MYO5C: variants seen among roughly 807,000 people sequenced by gnomAD.
MYO5C encodes the protein myosin VC, also known as unconventional myosin-Vc.
A neutral mutation model predicts 235.7 loss-of-function variants in MYO5C; 194 were observed. The observed-to-expected ratio is 0.82, with a 90% CI of 0.73 to 0.93. The LOEUF (loss-of-function observed/expected upper bound fraction) is 0.93. MYO5C is among the 40% of genes least tolerant of loss of function. MYO5C has a pLI of 0.00. For missense variants in MYO5C, 2,038 were observed against 2,127.2 expected (o/e 0.96, Z 0.82); for synonymous variants, 707 against 754.8 (o/e 0.94, Z 1.04).
rs773471935 is a variant in MYO5C at position 52,205,836 on chromosome 15, T to C, written c.4517A>G (p.Lys1506Arg). The C allele has an allele frequency of 1.3e-6, 2 of 1,570,054 alleles. No homozygotes were observed. The highest frequency in any genetic ancestry group is 2.3e-5 in the South Asian group (2 of 85,126). ...IYHQFIIIME[K>R]NIQPIIVPGM... ...CTTACCTATTATCGGTTGGATATTCTTTTCCATTATGATAATAAATTGATG... is the reference window on the plus strand; with the variant it reads ...CTTACCTATTATCGGTTGGATATTCCTTTCCATTATGATAATAAATTGATG... Residue 1506 changes from lysine to arginine, a missense_variant, in exon 37 of 41, where the codon AAG becomes AGG. Transcript: ENST00000261839.
chr15:52,264,376 A>T (rs1156730704), intron 8 of MYO5C, 80 bp from the exon 9 acceptor site: 2 of 1,104,978 alleles, frequency 1.8e-6, no homozygotes, highest in Non-Finnish European at 2.7e-6. Context: ...TTCATTCAAG[A>T]TATGCAGGTA....
chr15:52,264,597 T>C (rs2036763862), intron 8 of MYO5C, among the ~76,000 whole-genome samples: 1 of 152,218 alleles, frequency 6.6e-6, no homozygotes, highest in South Asian at 2.1e-4. Flanking sequence ...CTTGCCTTGA[T>C]TCTGTGCTTG....
rs1464874282 is a variant in MYO5C, at chr15:52,251,296, TGAATCTGATCAGA to T, written c.1662+81_1662+93del. On this transcript the variant is annotated intron_variant, in intron 13 of 40. Coordinates refer to ENST00000261839, the MANE Select transcript of MYO5C (RefSeq NM_018728.4). ...TCAAAGCTACATGTTAAGTATGACT[TGAATCTGATCAGA>T]AACATTCCTGGCCTGCCTACTCCTT... 2.4e-6 allele frequency: 3 copies of T among 1,250,952 alleles called. No homozygotes were observed. The African/African-American group carries it at 4.6e-5, about 19-fold the overall frequency. 77.5% of individuals were successfully genotyped at this position (1,250,952 alleles called of 1,614,324 possible).
Position 52,261,032 on chromosome 15 carries a change from G to T in MYO5C, c.1143C>A (p.Ser381Arg). Residue 381 changes from serine to arginine, a missense_variant, in exon 10 of 41, where the codon AGC (serine) becomes AGA (arginine). Ser to Arg is a moderately radical substitution (Grantham distance 110, BLOSUM62 -1). Coordinates refer to ENST00000261839, the MANE Select transcript of MYO5C (RefSeq NM_018728.4). ...TCATGGGTTTTACCACCGTCTCAGA[G>T]CTTGTGACGATTTTGCGATTGCACA... ...QWLCNRKIVTSSETVVKPMTR... is the reference protein window; with the variant it reads ...QWLCNRKIVTRSETVVKPMTR... The T allele has an allele frequency of 1.2e-6, 2 of 1,614,214 alleles. No homozygotes were observed. Among genetic ancestry groups the T allele is most frequent in the Non-Finnish European group, 1.7e-6 (2 of 1,180,038 alleles).
chr15:52,275,637 G>C lies in MYO5C; in HGVS notation c.531C>G (p.Tyr177Ter). 1 of 1,614,172 alleles carries C rather than the reference G, an allele frequency of 6.2e-7. No individual in the cohort carries two copies. The highest frequency in any genetic ancestry group is 8.5e-7 in the Non-Finnish European group (1 of 1,180,034). Residue 177 changes from tyrosine to a stop codon, truncating the protein, a stop_gained, in exon 5 of 41, where the codon TAC (tyrosine) becomes TAG (stop). Transcript: ENST00000261839. LOFTEE classifies it high-confidence loss of function. ...KTVSARYAMRYFATVSKSGSN... is the reference protein window; with the variant it reads ...KTVSARYAMR ...TGCCCGATTTGCTGACGGTGGCAAAGTACCTCATGGCATAGCGAGCCGACA... is the reference window on the plus strand; with the variant it reads ...TGCCCGATTTGCTGACGGTGGCAAACTACCTCATGGCATAGCGAGCCGACA...
chr15:52,225,436 T>G lies in MYO5C; in HGVS notation c.3301+3A>C. ...TGGACTAAGAGACTCATATTTTTAT[T>G]ACCTCTCATTTCCCGTTTTTGTGAC... On this transcript the variant is annotated splice_donor_region_variant and intron_variant, in intron 26 of 40. Transcript: ENST00000261839. The G allele has an allele frequency of 6.2e-7, 1 of 1,604,894 alleles. No homozygotes were observed. The highest frequency in any genetic ancestry group is 8.5e-7 in the Non-Finnish European group (1 of 1,171,704).
intron 1 of MYO5C, among the ~76,000 whole-genome samples, chr15:52,288,263 G>A (rs566805369): frequency 1.7e-3 from 257 of 152,330 alleles, no homozygotes; most frequent in Admixed American, 5.9e-3. Context: ...TATTAGTTAA[G>A]CGAATCTGGC....
intron 4 of MYO5C, 27 bp from the exon 5 acceptor site, chr15:52,275,745 T>A: frequency 6.2e-7 from 1 of 1,611,236 alleles, no homozygotes; most frequent in Non-Finnish European, 8.5e-7. Flanking sequence ...TTTTCAAATA[T>A]TAGTTTCTTC....
At chr15:52,229,457 C>T (rs2035903270) in intron 24 of MYO5C, 144 bp from the exon 25 acceptor site, 1 of 704,718 alleles carries the variant, frequency 1.4e-6, no homozygotes, top group Non-Finnish European at 2.3e-6. Flanking sequence ...GACCCCGTCC[C>T]CACTAAAAAT....
chr15:52,227,607 A>G (rs919687694), intron 25 of MYO5C, among the ~76,000 whole-genome samples: 3 of 152,178 alleles, frequency 2.0e-5, no homozygotes, highest in Non-Finnish European at 4.4e-5. Context: ...ACAAGTTCCT[A>G]CATTTAAGAT....
chr15:52,242,258 T>C, intron 19 of MYO5C, 45 bp from the exon 20 acceptor site: 1 of 1,568,244 alleles, frequency 6.4e-7, no homozygotes, highest in Non-Finnish European at 8.7e-7. Flanking sequence ...CCACAGAGCA[T>C]CAACTTCCAT....
intron 11 of MYO5C, 35 bp downstream of exon 11, chr15:52,256,604 T>C: frequency 1.5e-6 from 1 of 658,462 alleles, no homozygotes; most frequent in Non-Finnish European, 2.4e-6. Flanking sequence ...CGCGCGCGGC[T>C]GAGAACTAGT....
Position 52,192,895 on chromosome 15 carries a change from A to G in MYO5C, c.*1007T>C, listed in dbSNP as rs943963362. ...AATTATGGTGAATATGTTGGCAGGT[A>G]AGATTTGAAGTTCTTTCAGAGAAGA... is the stretch of plus-strand genomic sequence containing the variant. On this transcript the variant is annotated 3_prime_UTR_variant, in exon 41 of 41. Coordinates refer to ENST00000261839, the MANE Select transcript of MYO5C (RefSeq NM_018728.4). 3 of 152,226 alleles carry G rather than the reference A, an allele frequency of 2.0e-5. No homozygotes were observed. Among genetic ancestry groups the G allele is most frequent in the African/African-American group, 4.8e-5 (2 of 41,450 alleles). The allele number at this position is 152,226 out of a possible 1,614,324, so 9.4% of individuals were successfully genotyped here. A position where few individuals can be genotyped will look rare whatever the true frequency, so the allele number is the denominator to read the frequency against.
rs2036940494 is a variant in MYO5C at position 52,272,280 on chromosome 15, T to C, written c.750+300A>G. On this transcript the variant is annotated intron_variant, in intron 6 of 40. Transcript: ENST00000261839. ...AAAGCCAGTCTGTCAGCTTAGCCTATTTCAAACAGTTTTCGTACTCTAGAA... is the reference window on the plus strand; with the variant it reads ...AAAGCCAGTCTGTCAGCTTAGCCTACTTCAAACAGTTTTCGTACTCTAGAA... Among the ~76,000 whole-genome samples, 4 of 152,226 alleles carry C rather than the reference T, an allele frequency of 2.6e-5. No homozygotes were observed. The South Asian group carries it at 8.3e-4, about 32-fold the overall frequency.
At chr15:52,255,287 C>T (rs187876684) in intron 11 of MYO5C, among the ~76,000 whole-genome samples, 158 of 152,338 alleles carry the variant, frequency 1.0e-3, no homozygotes, top group African/African-American at 3.7e-3. Flanking sequence ...CTCTCCAAGA[C>T]GTCATGCTAT....
chr15:52,224,150 G>A (rs2035764706), intron 28 of MYO5C, among the ~76,000 whole-genome samples: 1 of 152,142 alleles, frequency 6.6e-6, no homozygotes, highest in South Asian at 2.1e-4. Context: ...AGGTGTGGTA[G>A]CGCATGCCTG....
At position 52,221,251 on chromosome 15, in the gene MYO5C, A is replaced by T. The variant is rs558531456; in HGVS notation, c.3632T>A (p.Ile1211Asn). 3.7e-6 allele frequency: 6 copies of T among 1,602,230 alleles called. No individual in the cohort carries two copies. The African/African-American group carries it at 8.1e-5, about 22-fold the overall frequency. The change falls in exon 30 of 41, where the codon ATC becomes AAC. Residue 1211 changes from isoleucine to asparagine, a missense_variant. Transcript: ENST00000261839. ...VTRLTSENMM[I>N]PDFKQQISEL... ...TGAAATTTGCTGTTTAAAGTCTGGG[A>T]TCATCTTTAGAGAAGAATTAGAAAT...
intron 8 of MYO5C, among the ~76,000 whole-genome samples, chr15:52,267,337 T>C (rs372709940): frequency 6.6e-6 from 1 of 152,224 alleles, no homozygotes; most frequent in Non-Finnish European, 1.5e-5. Flanking sequence ...CTTTTACATA[T>C]GCTTCCTCAC....
At chr15:52,269,938 T>G in intron 7 of MYO5C, 78 bp from the exon 8 acceptor site, 1 of 989,924 alleles carries the variant, frequency 1.0e-6, no homozygotes. Flanking sequence ...GAAGGGAAGT[T>G]CATACTCAAA....
Sources: gnomAD v4.1 joint callset for allele counts (sites outside exome capture counted in the v4.1 genomes callset) on GRCh38, gnomAD v4.1.1 for gene constraint, MANE v1.5 for transcripts, NCBI Gene and HGNC (gene_info 2026-07-23, HGNC 2026-07-21) for gene names.